Variants in CALN1 observed in about 807,000 individuals in gnomAD.
The protein encoded by CALN1 is calcium-binding protein 8.
In CALN1, 17 loss-of-function variants were observed where a neutral mutation model predicts 30.6. The observed-to-expected ratio is 0.56, with a 90% CI of 0.38 to 0.83. The LOEUF is 0.83. Among genes scored for constraint, CALN1 ranks in the 40% least tolerant of loss-of-function variants. CALN1 has a pLI of 0.00. For synonymous variants in CALN1, 156 were observed against 131.4 expected (o/e 1.19, Z -1.28); for missense variants, 291 against 354.9 (o/e 0.82, Z 1.45).
chr7:72,173,004 G>C (rs1789077679), intron 3 of CALN1, among the ~76,000 whole-genome samples: 1 of 151,548 alleles, frequency 6.6e-6, no homozygotes, highest in African/African-American at 2.4e-5. Context: ...TTTTTTTGAA[G>C]ATCTTAAAAT....
chr7:72,154,109 A>G (rs1787474396), intron 3 of CALN1, among the ~76,000 whole-genome samples: 1 of 152,118 alleles, frequency 6.6e-6, no homozygotes, highest in East Asian at 1.9e-4. Context: ...GGAAAGCCTC[A>G]GGCTAGATCA....
intron 6 of CALN1, among the ~76,000 whole-genome samples, chr7:71,801,480 G>C (rs1463645528): frequency 1.7e-5 from 2 of 117,292 alleles, no homozygotes; most frequent in Non-Finnish European, 3.9e-5. Flanking sequence ...ATCGAGACAG[G>C]GTTTTGCCAT....
At chr7:72,034,091 C>T (rs765791738) in intron 4 of CALN1, among the ~76,000 whole-genome samples, 3 of 152,132 alleles carry the variant, frequency 2.0e-5, no homozygotes, top group South Asian at 2.1e-4. Flanking sequence ...CGGTGGCTCA[C>T]GCCTGTAATC....
chr7:71,938,397 A>T (rs192494671), intron 5 of CALN1, among the ~76,000 whole-genome samples: 44 of 152,322 alleles, frequency 2.9e-4, no homozygotes, highest in African/African-American at 1.1e-3. Context: ...GATCAGGGAA[A>T]GGTCAGTTAA....
chr7:71,828,458 G>A lies in CALN1; in HGVS notation c.502-17966C>T, dbSNP rs117524627. Among the ~76,000 whole-genome samples, 46 of 152,068 alleles carry A rather than the reference G, an allele frequency of 3.0e-4. No homozygotes were observed. In the East Asian group the frequency reaches 8.7e-3, roughly 29 times the overall value. On this transcript the variant is annotated intron_variant, in intron 5 of 6. Transcript: ENST00000395275. ...GACCCTGTGAAAGGAAAATACCTTG[G>A]GACCCCAAAATTACTGAGCTAAAGG...
At chr7:72,248,765 C>T (rs538182109) in intron 3 of CALN1, among the ~76,000 whole-genome samples, 1 of 151,974 alleles carries the variant, frequency 6.6e-6, no homozygotes, top group East Asian at 1.9e-4. Context: ...TTTGGGGGTA[C>T]ATCTTTCGGG....
chr7:72,382,102 G>A (rs1248265891), intron 2 of CALN1, among the ~76,000 whole-genome samples: 1 of 152,168 alleles, frequency 6.6e-6, no homozygotes, highest in Non-Finnish European at 1.5e-5. Context: ...AAACAAAAAT[G>A]CAAGCCCCTT....
chr7:71,898,555 A>AGAGAAT (rs1793677454), intron 5 of CALN1, among the ~76,000 whole-genome samples: 1 of 152,218 alleles, frequency 6.6e-6, no homozygotes, highest in Non-Finnish European at 1.5e-5. Context: ...GAGAGGAGAT[A>AGAGAAT]GAGAATGAGG....
chr7:72,159,486 C>T (rs143450793), intron 3 of CALN1, among the ~76,000 whole-genome samples: 3,946 of 148,722 alleles, frequency 0.027, 181 homozygotes, highest in African/African-American at 0.092. Flanking sequence ...GGCAACAGAG[C>T]GAGACCCTGT....
chr7:71,828,031 T>A (rs902594542), intron 5 of CALN1, among the ~76,000 whole-genome samples: 1 of 152,098 alleles, frequency 6.6e-6, no homozygotes, highest in Admixed American at 6.5e-5. Flanking sequence ...GAGAACCAGA[T>A]AAACGTTTCT....
In CALN1 at chr7:72,262,153, C is replaced by A. The variant is rs377262604; in HGVS notation, c.244+16533G>T. ...GGCCTTGCTTTCAGCCTCCCCATGT[C>A]CCATCACCACCGCAGCTCCTACCCA... On this transcript the variant is annotated intron_variant, in intron 3 of 6. Coordinates refer to ENST00000395275, the MANE Select transcript of CALN1 (RefSeq NM_031468.4). Among the ~76,000 whole-genome samples, 29 of 152,268 alleles carry A rather than the reference C, an allele frequency of 1.9e-4. No individual in the cohort carries two copies. The East Asian group carries it at 5.4e-3, about 28-fold the overall frequency.
chr7:71,897,907 G>GA (rs897718623), intron 5 of CALN1, among the ~76,000 whole-genome samples: 5 of 128,110 alleles, frequency 3.9e-5, no homozygotes, highest in Admixed American at 9.7e-5. Context: ...GTTCATGGAA[G>GA]AAAAAACCAA....
At chr7:72,214,254 C>G (rs1355226814) in intron 3 of CALN1, among the ~76,000 whole-genome samples, 1 of 152,130 alleles carries the variant, frequency 6.6e-6, no homozygotes, top group East Asian at 1.9e-4. Flanking sequence ...CCTAGGCAGA[C>G]GGATTGCCTG....
intron 3 of CALN1, among the ~76,000 whole-genome samples, chr7:72,265,850 A>G (rs1796559984): frequency 6.6e-6 from 1 of 151,866 alleles, no homozygotes; most frequent in African/African-American, 2.4e-5. Context: ...CTAAACTACA[A>G]AGGCTGGGCG....
chr7:72,038,582 G>A (rs1472287499), intron 4 of CALN1, among the ~76,000 whole-genome samples: 2 of 152,064 alleles, frequency 1.3e-5, no homozygotes, highest in Non-Finnish European at 2.9e-5. Flanking sequence ...GAAACCCTCT[G>A]TGCTGCATTT....
chr7:72,222,853 T>G (rs1315565669), intron 3 of CALN1, among the ~76,000 whole-genome samples: 1 of 131,568 alleles, frequency 7.6e-6, no homozygotes, highest in Non-Finnish European at 1.8e-5. Flanking sequence ...AGATCCTATC[T>G]TGATCAAAAC....
intron 3 of CALN1, among the ~76,000 whole-genome samples, chr7:72,245,842 C>T (rs1329434850): frequency 1.3e-5 from 2 of 152,164 alleles, no homozygotes; most frequent in Non-Finnish European, 2.9e-5. Context: ...CGACTGTGCA[C>T]CAGTGTTCTG....
At chr7:72,427,517 T>C (rs1035712360) in intron 1 of CALN1, among the ~76,000 whole-genome samples, 1 of 152,172 alleles carries the variant, frequency 6.6e-6, no homozygotes, top group Non-Finnish European at 1.5e-5. Flanking sequence ...GGGGACCTGA[T>C]TCCAATGTCC....
intron 2 of CALN1, among the ~76,000 whole-genome samples, chr7:72,309,638 G>T (rs572209610): frequency 1.4e-4 from 21 of 152,064 alleles, no homozygotes; most frequent in Non-Finnish European, 2.4e-4. Context: ...TGGCAAGCAG[G>T]GAAGGGCAGG....
Sources: gnomAD v4.1 joint callset for allele counts (sites outside exome capture counted in the v4.1 genomes callset) on GRCh38, gnomAD v4.1.1 for gene constraint, MANE v1.5 for transcripts, NCBI Gene and HGNC (gene_info 2026-07-23, HGNC 2026-07-21) for gene names.